CDC42BPB: variants seen among roughly 807,000 people sequenced by gnomAD.
The protein encoded by CDC42BPB is CDC42 binding protein kinase beta.
CDC42BPB carries 37 observed loss-of-function variants against 214.9 expected under a neutral mutation model. The observed-to-expected ratio is 0.17, with a 90% CI of 0.13 to 0.23. The LOEUF is 0.23. Among genes scored for constraint, CDC42BPB ranks in the 10% least tolerant of loss-of-function variants. The pLI is 1.00. For synonymous variants in CDC42BPB, 931 were observed against 884.0 expected, an observed-to-expected ratio of 1.05 and a Z score of -0.94; for missense variants, 1,694 against 2,227.0, an observed-to-expected ratio of 0.76 and a Z score of 4.82.
chr14:102,942,235 ATG>A (rs954597412), intron 30 of CDC42BPB, among the ~76,000 whole-genome samples: 5 of 73,978 alleles, frequency 6.8e-5, no homozygotes, highest in South Asian at 4.7e-4. Context: ...CTGCCCACAC[ATG>A]TCTGCTGTGG....
At chr14:103,020,403 G>A (rs1028287515) in intron 1 of CDC42BPB, among the ~76,000 whole-genome samples, 6 of 152,176 alleles carry the variant, frequency 3.9e-5, no homozygotes, top group African/African-American at 1.4e-4. Flanking sequence ...AGAGATGGCA[G>A]GACCCACACC....
chr14:103,053,632 G>T (rs183661087), intron 1 of CDC42BPB, among the ~76,000 whole-genome samples: 4,593 of 150,922 alleles, frequency 0.03, 114 homozygotes, highest in Non-Finnish European at 0.045. Flanking sequence ...CGTGATGGCG[G>T]GCGCCTGTAG....
At chr14:103,022,517 C>T (rs1028791677) in intron 1 of CDC42BPB, among the ~76,000 whole-genome samples, 10 of 152,086 alleles carry the variant, frequency 6.6e-5, no homozygotes, top group African/African-American at 1.9e-4. Context: ...CCACCACGCC[C>T]GGGAGATGTT....
intron 1 of CDC42BPB, among the ~76,000 whole-genome samples, chr14:103,021,235 T>C (rs1433302289): frequency 4.6e-5 from 7 of 151,974 alleles, no homozygotes; most frequent in Non-Finnish European, 4.4e-5. Context: ...CCGAGGCGAG[T>C]GGATCACGAG....
Position 102,963,056 on chromosome 14 carries a change from T to C in CDC42BPB, c.2821+5A>G. On this transcript the variant is annotated splice_donor_5th_base_variant and intron_variant, in intron 20 of 36. Coordinates refer to ENST00000361246, the MANE Select transcript of CDC42BPB (RefSeq NM_006035.4). ...ATAATGCAGAATCGCACAACATTAA[T>C]TTACCAGTATCTGCTCTGAATTTTT... is the stretch of plus-strand genomic sequence containing the variant. The C allele has an allele frequency of 8.2e-7, 1 of 1,217,556 alleles. No individual in the cohort carries two copies. The highest frequency in any genetic ancestry group is 1.5e-5 in the African/African-American group (1 of 66,804). The allele number at this position is 1,217,556 out of a possible 1,614,324, so 75.4% of individuals were successfully genotyped here. A position where few individuals can be genotyped will look rare whatever the true frequency, so the allele number is the denominator to read the frequency against.
chr14:103,044,304 TG>T (rs1385090201), intron 1 of CDC42BPB, among the ~76,000 whole-genome samples: 2 of 151,642 alleles, frequency 1.3e-5, no homozygotes, highest in East Asian at 3.9e-4. Context: ...CATAGCTCAC[TG>T]CAGGTTCAAC....
rs534024146 is a variant in CDC42BPB, at chr14:103,001,384, C to T, written c.448-1671G>A. On this transcript the variant is annotated intron_variant, in intron 4 of 36. Coordinates refer to ENST00000361246, the MANE Select transcript of CDC42BPB (RefSeq NM_006035.4). The surrounding 1 kb of genome is among the most constrained non-coding windows in gnomAD (Gnocchi z 5.8). ...AGCATGGAGAGCAGGCAGTGGTGAG[C>T]GCCAGCTGACCGCAGGCCGCCTGGT... Among the ~76,000 whole-genome samples, 856 of 152,258 alleles carry T rather than the reference C, an allele frequency of 5.6e-3. 4 individuals carry two copies. Among genetic ancestry groups the T allele is most frequent in the Middle Eastern group, 0.027 (8 of 294 alleles).
intron 3 of CDC42BPB, among the ~76,000 whole-genome samples, chr14:103,006,366 G>A (rs943175047): frequency 2.6e-5 from 4 of 152,348 alleles, no homozygotes; most frequent in Admixed American, 1.3e-4. Context: ...TCCAGGAGAC[G>A]CTCCCTGAAG....
At chr14:103,031,823 T>C (rs1032295061) in intron 1 of CDC42BPB, among the ~76,000 whole-genome samples, 3 of 152,150 alleles carry the variant, frequency 2.0e-5, no homozygotes, top group Non-Finnish European at 4.4e-5. Flanking sequence ...GACTACAGCA[T>C]CACTCACATG....
In CDC42BPB at chr14:102,947,868, C is replaced by A; in HGVS notation, c.3450-66G>T. On this transcript the variant is annotated intron_variant, in intron 26 of 36. Transcript: ENST00000361246. ...CACAGGACCCAAGGCCCTCCCACGC[C>A]CTGCCCTGCCCTGCCCTGCCATGTC... is the stretch of plus-strand genomic sequence containing the variant. The A allele has an allele frequency of 1.9e-6, 3 of 1,585,820 alleles. No homozygotes were observed. In the East Asian group the frequency reaches 6.8e-5, roughly 36 times the overall value.
intron 5 of CDC42BPB, among the ~76,000 whole-genome samples, chr14:102,987,020 G>A (rs150400448): frequency 1.1e-3 from 165 of 152,356 alleles, no homozygotes; most frequent in African/African-American, 3.8e-3. Context: ...GAGTACCACG[G>A]AAAACAGGAA....
At chr14:103,027,611 G>A (rs1399482410) in intron 1 of CDC42BPB, among the ~76,000 whole-genome samples, 1 of 152,154 alleles carries the variant, frequency 6.6e-6, no homozygotes, top group Non-Finnish European at 1.5e-5. Context: ...AAAGAAGCCA[G>A]CTACAAAAGA....
At position 102,975,917 on chromosome 14, in the gene CDC42BPB, T is replaced by C. The variant is rs1893718974; in HGVS notation, c.1353A>G (p.Glu451=). ...TCCTGCTCAGCTCCAGCTTCTCCTG[T>C]TCCAGCCTCCGAATCCTCCTCTCGT... ...EAYERRIRRL[E]QEKLELSRKL... is the part of the protein sequence containing the mutation. The change falls in exon 10 of 37, where the codon GAA becomes GAG. Residue 451 remains glutamate, a synonymous_variant. Transcript: ENST00000361246. 1.2e-6 allele frequency: 2 copies of C among 1,614,056 alleles called. No individual in the cohort carries two copies. The highest frequency in any genetic ancestry group is 2.2e-5 in the South Asian group (2 of 91,088).
At chr14:102,963,416 C>G (rs1248090484) in intron 19 of CDC42BPB, 1 of 362,142 alleles carries the variant, frequency 2.8e-6, no homozygotes, top group Non-Finnish European at 3.8e-6. Flanking sequence ...TCTTGACCTT[C>G]CTAATCTTGT....
At chr14:102,955,677 T>C (rs1328510942) in intron 21 of CDC42BPB, among the ~76,000 whole-genome samples, 3 of 152,252 alleles carry the variant, frequency 2.0e-5, no homozygotes, top group African/African-American at 7.2e-5. Context: ...CAAGTATTCC[T>C]GAAACTAATA....
rs1358493826 is a variant in CDC42BPB, at chr14:103,001,119, G to A, written c.448-1406C>T. 1.3e-5 allele frequency among the ~76,000 whole-genome samples: 2 copies of A among 152,190 alleles called. No homozygotes were observed. Among genetic ancestry groups the A allele is most frequent in the African/African-American group, 4.8e-5 (2 of 41,440 alleles). ...ATCCCTTCCAAGCCTCTCCACAGCT[G>A]TCCCACCCTGTGGAGTCTTCCTCAA... is the stretch of plus-strand genomic sequence containing the variant. On this transcript the variant is annotated intron_variant, in intron 4 of 36. Coordinates refer to ENST00000361246, the MANE Select transcript of CDC42BPB (RefSeq NM_006035.4). The surrounding 1 kb of genome is among the most constrained non-coding windows in gnomAD (Gnocchi z 5.8).
chr14:102,978,658 A>C (rs1893865130), intron 8 of CDC42BPB, among the ~76,000 whole-genome samples: 1 of 152,230 alleles, frequency 6.6e-6, no homozygotes, highest in Admixed American at 6.5e-5. Context: ...AGATTATTTT[A>C]GATAAGTTTA....
chr14:102,955,720 C>T lies in CDC42BPB; in HGVS notation c.2902-1032G>A, dbSNP rs531775654. 1.2e-4 allele frequency among the ~76,000 whole-genome samples: 18 copies of T among 152,310 alleles called. No individual in the cohort carries two copies. In the South Asian group the frequency reaches 3.1e-3, roughly 26 times the overall value. ...ATCACAGGCCACTGCTGTTTACAGACGCACATGTAGGTATGCTGAGTAGCA... is the reference window on the plus strand; with the variant it reads ...ATCACAGGCCACTGCTGTTTACAGATGCACATGTAGGTATGCTGAGTAGCA... On this transcript the variant is annotated intron_variant, in intron 21 of 36. Coordinates refer to ENST00000361246, the MANE Select transcript of CDC42BPB (RefSeq NM_006035.4).
intron 36 of CDC42BPB, chr14:102,937,314 G>C (rs1190169974): frequency 6.6e-6 from 1 of 152,582 alleles, no homozygotes; most frequent in Admixed American, 6.5e-5. Flanking sequence ...CAGAATAAAG[G>C]GTGGAACAGT....
Sources: gnomAD v4.1 joint callset for allele counts (sites outside exome capture counted in the v4.1 genomes callset) on GRCh38, gnomAD v4.1.1 for gene constraint, Gnocchi (gnomAD v3.1) non-coding constraint, MANE v1.5 for transcripts, NCBI Gene and HGNC (gene_info 2026-07-23, HGNC 2026-07-21) for gene names.